UMODL1: variants seen among roughly 807,000 people sequenced by gnomAD.
UMODL1 encodes uromodulin like 1, also known as uromodulin-like 1.
UMODL1 carries 128 observed loss-of-function variants against 136.3 expected under a neutral mutation model. The ratio of observed to expected loss-of-function variants is 0.94; its 90% CI spans 0.81 to 1.09. The LOEUF (loss-of-function observed/expected upper bound fraction) is 1.09, where lower values mean the gene tolerates loss of function less well. Among genes scored for constraint, UMODL1 ranks in the 50% least tolerant of loss-of-function variants. The pLI, the probability that UMODL1 is intolerant of heterozygous loss-of-function variation, is 0.00. For synonymous variants in UMODL1, 721 were observed against 720.0 expected (o/e 1.00, Z -0.02); for missense variants, 1,766 against 1,725.6 (o/e 1.02, Z -0.41).
At chr21:42,096,253 C>T (rs2066556321) in intron 6 of UMODL1, among the ~76,000 whole-genome samples, 1 of 152,128 alleles carries the variant, frequency 6.6e-6, no homozygotes, top group African/African-American at 2.4e-5. Flanking sequence ...TAATGCATTT[C>T]TTTGGATTAG....
intron 6 of UMODL1, among the ~76,000 whole-genome samples, chr21:42,093,248 T>G (rs1455069665): frequency 6.6e-6 from 1 of 152,228 alleles, no homozygotes; most frequent in African/African-American, 2.4e-5. Context: ...GGTCTTACTC[T>G]GTCACCCAGG....
upstream of UMODL1, chr21:42,071,239 C>T: frequency 7.3e-7 from 1 of 1,376,198 alleles, no homozygotes; most frequent in Non-Finnish European, 9.5e-7. Context: ...AGCTCAGGCC[C>T]CTATGAGCCC....
chr21:42,067,792 C>CT (rs2066195389), upstream of UMODL1, among the ~76,000 whole-genome samples: 1 of 152,248 alleles, frequency 6.6e-6, no homozygotes, highest in African/African-American at 2.4e-5. Context: ...TCCTTGGGGC[C>CT]TGGAGACAAT....
At chr21:42,081,698 C>A (rs1041411732) in intron 2 of UMODL1, among the ~76,000 whole-genome samples, 1 of 152,060 alleles carries the variant, frequency 6.6e-6, no homozygotes. Flanking sequence ...AGGTCCTGTA[C>A]CCCCCAACCC....
intron 6 of UMODL1, 126 bp downstream of exon 6, chr21:42,090,564 C>T: frequency 8.1e-7 from 1 of 1,236,896 alleles, no homozygotes. Context: ...AAATATCTTG[C>T]TTTTATTATT....
chr21:42,129,691 C>T, intron 20 of UMODL1, 22 bp from the exon 21 acceptor site: 2 of 1,560,948 alleles, frequency 1.3e-6, no homozygotes, highest in Non-Finnish European at 1.7e-6. Context: ...TGACGTTTCT[C>T]TTCTTGGAAA....
intron 6 of UMODL1, chr21:42,093,600 G>A (rs973239460): frequency 6.0e-5 from 14 of 232,862 alleles, no homozygotes; most frequent in Admixed American, 5.8e-4. Context: ...AGCTGTGGAT[G>A]TGGCGGGCTC....
intron 4 of UMODL1, among the ~76,000 whole-genome samples, chr21:42,087,232 C>A (rs1305200051): frequency 6.6e-6 from 1 of 152,210 alleles, no homozygotes; most frequent in Non-Finnish European, 1.5e-5. Flanking sequence ...CCAGCAGGGG[C>A]TGGTCTCTGA....
At chr21:42,110,642 C>T (rs561771529) in intron 10 of UMODL1, among the ~76,000 whole-genome samples, 1 of 152,324 alleles carries the variant, frequency 6.6e-6, no homozygotes, top group Non-Finnish European at 1.5e-5. Context: ...CCCTCACCCT[C>T]AACTTCAGTT....
chr21:42,131,599 C>T, intron 21 of UMODL1, among the ~76,000 whole-genome samples: 1 of 76,688 alleles, frequency 1.3e-5, no homozygotes. Context: ...GAGGTCTCGG[C>T]CATGAAGCTG....
At chr21:42,128,866 T>G (rs2067097065) in intron 20 of UMODL1, among the ~76,000 whole-genome samples, 2 of 152,226 alleles carry the variant, frequency 1.3e-5, no homozygotes, top group African/African-American at 4.8e-5. Flanking sequence ...CTTTCCGGGC[T>G]GCTGTAGGAA....
intron 1 of UMODL1, among the ~76,000 whole-genome samples, chr21:42,063,940 G>T (rs1247935681): frequency 4.6e-5 from 7 of 152,178 alleles, no homozygotes; most frequent in South Asian, 2.1e-4. Flanking sequence ...AGTTTCAGCA[G>T]AGTTTATTTG....
At chr21:42,096,980 T>TG (rs1294683890) in intron 6 of UMODL1, among the ~76,000 whole-genome samples, 1 of 151,820 alleles carries the variant, frequency 6.6e-6, no homozygotes, top group East Asian at 1.9e-4. Flanking sequence ...AGGCAGTGAG[T>TG]GGGGGGTCTT....
Position 42,115,952 on chromosome 21 carries a change from G to A in UMODL1, c.2442G>A (p.Glu814=), listed in dbSNP as rs976918630. The A allele has an allele frequency of 3.7e-6, 6 of 1,613,798 alleles. No homozygotes were observed. The highest frequency in any genetic ancestry group is 1.7e-5 in the Admixed American group (1 of 59,996). The change falls in exon 14 of 23, where the codon GAG becomes GAA. Residue 814 remains glutamate (E), a synonymous_variant. Coordinates refer to ENST00000408910, the MANE Select transcript of UMODL1 (RefSeq NM_001004416.3). Reference sequence around the variant, plus strand: ...CCTTTCGCAACGCAAGCAGCCAGGAGTATCGAGATTTCCTAGAACTATTCT... The same window carrying A: ...CCTTTCGCAACGCAAGCAGCCAGGAATATCGAGATTTCCTAGAACTATTCT... ...SESFRNASSQ[E]YRDFLELFFR...
At chr21:42,115,739 C>T in intron 13 of UMODL1, 134 bp from the exon 14 acceptor site, 1 of 667,530 alleles carries the variant, frequency 1.5e-6, no homozygotes, top group Non-Finnish European at 2.6e-6. Context: ...GGCACTATTC[C>T]TTCTTTCTAG....
At chr21:42,065,478 T>C (rs1224868574) in intron 1 of UMODL1, among the ~76,000 whole-genome samples, 1 of 151,708 alleles carries the variant, frequency 6.6e-6, no homozygotes, top group African/African-American at 2.4e-5. Context: ...ATCTTCACTA[T>C]CTGGAAACAA....
intron 4 of UMODL1, among the ~76,000 whole-genome samples, chr21:42,086,317 A>G (rs1178705774): frequency 6.6e-6 from 1 of 152,084 alleles, no homozygotes; most frequent in Non-Finnish European, 1.5e-5. Context: ...TGTGCTTCAG[A>G]TCTTTTGTGT....
chr21:42,073,162 G>A (rs940770857), intron 1 of UMODL1, among the ~76,000 whole-genome samples: 1 of 152,194 alleles, frequency 6.6e-6, no homozygotes, highest in Non-Finnish European at 1.5e-5. Flanking sequence ...TAATGTGGTT[G>A]GCATCTCTGC....
chr21:42,083,999 A>G (rs1030107730), intron 2 of UMODL1, 85 bp from the exon 3 acceptor site: 41 of 1,513,436 alleles, frequency 2.7e-5, no homozygotes, highest in Non-Finnish European at 3.3e-5. Context: ...ATTCAGCACC[A>G]GGAAGCACCG....
Sources: allele counts gnomAD v4.1 joint callset (sites outside exome capture counted in the v4.1 genomes callset), GRCh38; gene constraint gnomAD v4.1.1; transcripts MANE v1.5; gene names NCBI Gene and HGNC (gene_info 2026-07-23, HGNC 2026-07-21).